Variants in GNB1L observed in about 807,000 individuals in gnomAD.
GNB1L encodes G protein subunit beta 1 like, also known as guanine nucleotide-binding protein subunit beta-like protein 1.
GNB1L carries 20 observed loss-of-function variants against 29.1 expected under a neutral mutation model. The observed-to-expected ratio is 0.69, with a 90% CI of 0.48 to 1.00. GNB1L has a LOEUF of 1.00. GNB1L is among the 50% of genes least tolerant of loss of function. The pLI, the probability that GNB1L is intolerant of heterozygous loss-of-function variation, is 0.00. For synonymous variants in GNB1L, 193 were observed against 206.5 expected (o/e 0.93, Z 0.56); for missense variants, 421 against 464.9 (o/e 0.91, Z 0.87).
Position 19,786,516 on chromosome 22 carries a change from G to T in GNB1L, c.*2193C>A, listed in dbSNP as rs547643422. 1 of 152,360 alleles carries T rather than the reference G, an allele frequency of 6.6e-6. No individual in the cohort carries two copies. Among genetic ancestry groups the T allele is most frequent in the African/African-American group, 2.4e-5 (1 of 41,466 alleles). The allele number at this position is 152,360 out of a possible 1,614,324, so 9.4% of individuals were successfully genotyped here. A position where few individuals can be genotyped will look rare whatever the true frequency, so the allele number is the denominator to read the frequency against. On this transcript the variant is annotated 3_prime_UTR_variant, in exon 8 of 8. Transcript: ENST00000329517. ...GGCCCTCATGTGGGATACCCACCTC[G>T]TGGCTGTGGGACGTAGGGAGTTTTG...
intron 6 of GNB1L, among the ~76,000 whole-genome samples, chr22:19,804,336 G>A (rs2145869528): frequency 6.6e-6 from 1 of 152,328 alleles, no homozygotes; most frequent in East Asian, 1.9e-4. Flanking sequence ...ACCCCCAGAG[G>A]GACACAGCAG....
At chr22:19,811,900 T>A (rs112913965) in intron 5 of GNB1L, among the ~76,000 whole-genome samples, 18 of 152,130 alleles carry the variant, frequency 1.2e-4, no homozygotes, top group Non-Finnish European at 4.4e-5. Context: ...GGAGCGTTCC[T>A]CCCACTTGGG....
chr22:19,850,943 AGAGCCAGCAGCAGG>A, intron 2 of GNB1L: 1 of 1,371,728 alleles, frequency 7.3e-7, no homozygotes, highest in South Asian at 2.0e-5. Flanking sequence ...GATGCAGCAG[AGAGCCAGCAGCAGG>A]GAAAGGGCAC....
At chr22:19,846,661 T>A (rs1937968545) in intron 2 of GNB1L, 1 of 689,224 alleles carries the variant, frequency 1.5e-6, no homozygotes, top group Non-Finnish European at 1.8e-6. Context: ...TTTAAAGAGG[T>A]AATTCAGGGT....
intron 2 of GNB1L, chr22:19,849,592 C>A (rs1938047725): frequency 1.5e-6 from 1 of 677,226 alleles, no homozygotes; most frequent in Non-Finnish European, 1.8e-6. Flanking sequence ...GTCTTGAACT[C>A]CTGACCTCAG....
At chr22:19,851,845 G>A (rs1569058543) in intron 2 of GNB1L, 2 of 1,613,970 alleles carry the variant, frequency 1.2e-6, no homozygotes, top group East Asian at 2.2e-5. Flanking sequence ...GGATCTCGCA[G>A]ACACGGCTGA....
At position 19,788,648 on chromosome 22, in the gene GNB1L, T is replaced by TG. The variant is rs1937215063; in HGVS notation, c.*60dup. The TG allele has an allele frequency of 6.2e-7, 1 of 1,605,924 alleles. No individual in the cohort carries two copies. Among genetic ancestry groups the TG allele is most frequent in the African/African-American group, 1.3e-5 (1 of 74,932 alleles). Reference sequence around the variant, plus strand: ...GGCCCTTGAGGTTTCAGGCCAAGGCTGGGGCCTGATGCCCACCTCCCTGCC... The same window carrying TG: ...GGCCCTTGAGGTTTCAGGCCAAGGCTGGGGGCCTGATGCCCACCTCCCTGCC... On this transcript the variant is annotated 3_prime_UTR_variant, in exon 8 of 8. Coordinates refer to ENST00000329517, the MANE Select transcript of GNB1L (RefSeq NM_053004.3).
chr22:19,829,513 G>T (rs961301489), intron 2 of GNB1L, among the ~76,000 whole-genome samples: 1 of 151,924 alleles, frequency 6.6e-6, no homozygotes, highest in South Asian at 2.1e-4. Context: ...AAAATACTAC[G>T]TACCAATTTA....
intron 2 of GNB1L, among the ~76,000 whole-genome samples, chr22:19,826,724 T>G (rs1162384756): frequency 6.6e-6 from 1 of 152,290 alleles, no homozygotes; most frequent in Middle Eastern, 3.4e-3. Context: ...CATCTGGCTG[T>G]CACCACTTTC....
rs1937523169 is a variant in GNB1L, at chr22:19,816,233, A to G, written c.255-3786T>C. 1.3e-5 allele frequency among the ~76,000 whole-genome samples: 2 copies of G among 152,136 alleles called. No homozygotes were observed. Among genetic ancestry groups the G allele is most frequent in the Admixed American group, 1.3e-4 (2 of 15,278 alleles). On this transcript the variant is annotated intron_variant, in intron 4 of 7. Coordinates refer to ENST00000329517, the MANE Select transcript of GNB1L (RefSeq NM_053004.3). This position sits in a 1 kb window ranked among gnomAD's most constrained non-coding sequence, Gnocchi z 4.4. ...AGGCCCATATTCCTCAGATGACACCAGTCGTCACGCTGCGAGGCACACGAT... is the reference window on the plus strand; with the variant it reads ...AGGCCCATATTCCTCAGATGACACCGGTCGTCACGCTGCGAGGCACACGAT...
intron 2 of GNB1L, chr22:19,849,803 C>G: frequency 1.0e-6 from 1 of 985,456 alleles, no homozygotes; most frequent in South Asian, 4.7e-5. Context: ...CAATTGTAAA[C>G]CTGAAAGGGA....
intron 4 of GNB1L, among the ~76,000 whole-genome samples, chr22:19,814,600 G>A (rs1408534829): frequency 2.0e-5 from 3 of 152,194 alleles, no homozygotes; most frequent in Non-Finnish European, 4.4e-5. Flanking sequence ...GGCCATCAGG[G>A]ACCCATGTGT....
Position 19,783,464 on chromosome 22 carries a change from C to G in GNB1L, c.*5245G>C, listed in dbSNP as rs1298171176. 7.2e-6 allele frequency: 2 copies of G among 277,196 alleles called. No individual in the cohort carries two copies. The highest frequency in any genetic ancestry group is 1.9e-4 in the East Asian group (2 of 10,680). 17.2% of individuals were successfully genotyped at this position (277,196 alleles called of 1,614,324 possible). A position where few individuals can be genotyped will look rare whatever the true frequency, so the allele number is the denominator to read the frequency against. On this transcript the variant is annotated 3_prime_UTR_variant, in exon 8 of 8. Coordinates refer to ENST00000329517, the MANE Select transcript of GNB1L (RefSeq NM_053004.3). The stretch of plus-strand genomic sequence containing the variant: ...ACTCGGGAGGCTGAGGCAGGAGGAT[C>G]ACTTGAGCCTATTAGTTGGAGGCTG...
chr22:19,850,398 G>C (rs1195832509), intron 2 of GNB1L: 1 of 989,800 alleles, frequency 1.0e-6, no homozygotes, highest in Non-Finnish European at 1.2e-6. Flanking sequence ...TGCGAGTGCG[G>C]AGTGAGCAGG....
At chr22:19,825,138 G>C (rs1203382105) in intron 2 of GNB1L, among the ~76,000 whole-genome samples, 1 of 152,226 alleles carries the variant, frequency 6.6e-6, no homozygotes, top group Non-Finnish European at 1.5e-5. Flanking sequence ...AGGCCGCTGG[G>C]AGTGCCTCAA....
At chr22:19,802,320 G>T in intron 6 of GNB1L, 104 bp from the exon 7 acceptor site, 1 of 911,176 alleles carries the variant, frequency 1.1e-6, no homozygotes, top group Non-Finnish European at 1.7e-6. Context: ...GCTGGCTGGG[G>T]CTGTTTCCCA....
At chr22:19,826,016 A>T (rs1937617303) in intron 2 of GNB1L, among the ~76,000 whole-genome samples, 1 of 152,238 alleles carries the variant, frequency 6.6e-6, no homozygotes, top group Non-Finnish European at 1.5e-5. Flanking sequence ...GACAAAAAAA[A>T]GTCTGAGCTG....
intron 5 of GNB1L, among the ~76,000 whole-genome samples, 175 bp from the exon 6 acceptor site, chr22:19,806,932 G>A (rs1050924780): frequency 5.9e-5 from 9 of 152,328 alleles, no homozygotes; most frequent in African/African-American, 2.2e-4. Context: ...CTTGCAAAAC[G>A]CTCTCACTGT....
At chr22:19,846,287 T>C in intron 2 of GNB1L, 1 of 363,052 alleles carries the variant, frequency 2.8e-6, no homozygotes, top group Non-Finnish European at 3.8e-6. Context: ...GACTCAAGGT[T>C]GAATGTCAAA....
Sources: allele counts gnomAD v4.1 joint callset (sites outside exome capture counted in the v4.1 genomes callset), GRCh38; gene constraint gnomAD v4.1.1; non-coding constraint Gnocchi (gnomAD v3.1); transcripts MANE v1.5; gene names NCBI Gene and HGNC (gene_info 2026-07-23, HGNC 2026-07-21).